Variants in RGS5 observed in about 807,000 individuals in gnomAD.
The protein encoded by RGS5 is regulator of G protein signaling 5, also known as regulator of G-protein signalling 5.
Under a neutral mutation model 18.9 loss-of-function variants are expected in RGS5, and 20 were observed. The ratio of observed to expected loss-of-function variants is 1.06; its 90% CI spans 0.74 to 1.54. RGS5 has a LOEUF of 1.54. Ranked by LOEUF, RGS5 falls within the 40% of genes most tolerant of loss-of-function variation. The pLI is 0.00. For missense variants in RGS5, 201 were observed against 211.8 expected (o/e 0.95, Z 0.32); for synonymous variants, 57 against 76.2 (o/e 0.75, Z 1.31).
intron 2 of RGS5, chr1:163,248,523 G>C (rs1648013954): frequency 6.6e-6 from 1 of 152,092 alleles, no homozygotes; most frequent in African/African-American, 2.4e-5. Flanking sequence ...GGCTCAGAGA[G>C]ACTAACCTGT....
chr1:163,309,274 G>A (rs369807373), intron 1 of RGS5, among the ~76,000 whole-genome samples: 6 of 152,310 alleles, frequency 3.9e-5, no homozygotes, highest in African/African-American at 1.4e-4. Context: ...AACAAATGAA[G>A]TTGGCCACAT....
intron 2 of RGS5, among the ~76,000 whole-genome samples, chr1:163,253,787 C>G (rs1648185964): frequency 1.3e-5 from 2 of 151,170 alleles, no homozygotes; most frequent in South Asian, 4.2e-4. Flanking sequence ...TCTCCTAAAG[C>G]TATCCCTCCC....
intron 2 of RGS5, among the ~76,000 whole-genome samples, chr1:163,253,598 C>T (rs555719665): frequency 6.6e-5 from 10 of 150,960 alleles, no homozygotes; most frequent in African/African-American, 1.5e-4. Context: ...GCGTGAGCCA[C>T]CGCACCTGGC....
chr1:163,305,907 T>A (rs1649685017), intron 2 of RGS5, among the ~76,000 whole-genome samples: 1 of 152,242 alleles, frequency 6.6e-6, no homozygotes, highest in Admixed American at 6.5e-5. Flanking sequence ...AGGGTGCACC[T>A]TCTGCTGCTG....
At chr1:163,278,166 A>C (rs1267580895) in intron 2 of RGS5, among the ~76,000 whole-genome samples, 1 of 152,116 alleles carries the variant, frequency 6.6e-6, no homozygotes, top group African/African-American at 2.4e-5. Context: ...GGAAGCTTAA[A>C]AAGTCCCAAA....
chr1:163,292,217 T>C (rs1460606639), intron 2 of RGS5, among the ~76,000 whole-genome samples: 1 of 152,140 alleles, frequency 6.6e-6, no homozygotes, highest in Non-Finnish European at 1.5e-5. Context: ...CTCCAACATA[T>C]ATCCATGCAT....
At chr1:163,183,862 G>A (rs73024776) in intron 1 of RGS5, among the ~76,000 whole-genome samples, 31,586 of 152,032 alleles carry the variant, frequency 0.21, 3,709 homozygotes, top group African/African-American at 0.32. Flanking sequence ...TCTTTCTCCC[G>A]TCTCTCCAGT....
intron 3 of RGS5, among the ~76,000 whole-genome samples, chr1:163,156,061 C>A (rs1344766205): frequency 6.6e-6 from 1 of 152,078 alleles, no homozygotes; most frequent in Non-Finnish European, 1.5e-5. Flanking sequence ...AGTCAGTTTG[C>A]TACAAAGGAA....
chr1:163,260,600 T>C (rs933782473), intron 2 of RGS5: 2 of 151,988 alleles, frequency 1.3e-5, no homozygotes, highest in African/African-American at 4.8e-5. Context: ...AATCTCAGAA[T>C]TCACCACTAT....
Position 163,152,558 on chromosome 1 carries a change from G to A in RGS5, c.376C>T (p.Pro126Ser). Residue 126 changes from proline to serine, a missense_variant, in exon 4 of 5, where the codon CCT (proline) becomes TCT (serine). Transcript: ENST00000313961. ...CCTACCCAGAGACCAACCTCTTTAGGAGCCTCCGTTTGAATGAATTCTTCA... is the reference window on the plus strand; with the variant it reads ...CCTACCCAGAGACCAACCTCTTTAGAAGCCTCCGTTTGAATGAATTCTTCA... ...IYEEFIQTEA[P>S]KEVNIDHFTK... 1.9e-6 allele frequency: 3 copies of A among 1,611,702 alleles called. No individual in the cohort carries two copies. The highest frequency in any genetic ancestry group is 1.1e-5 in the South Asian group (1 of 90,500).
intron 1 of RGS5, among the ~76,000 whole-genome samples, chr1:163,180,089 A>C (rs6413907): frequency 0.79 from 120,327 of 152,098 alleles, 47,957 homozygotes; most frequent in East Asian, 0.95. Context: ...GTGGCATGAT[A>C]TTGGCTCACT....
upstream of RGS5, among the ~76,000 whole-genome samples, chr1:163,206,539 GTTAAAAC>G (rs1659959532): frequency 6.6e-6 from 1 of 152,086 alleles, no homozygotes; most frequent in Non-Finnish European, 1.5e-5. Context: ...AAATTCATGT[GTTAAAAC>G]TTAATAATCA....
At position 163,186,594 on chromosome 1, in the gene RGS5, AAAAG is replaced by A. The variant is rs1362692856; in HGVS notation, c.44+16194_44+16197del. Among the ~76,000 whole-genome samples, 142 of 131,642 alleles carry A rather than the reference AAAAG, an allele frequency of 1.1e-3. 1 individual carries two copies. The highest frequency in any genetic ancestry group is 4.4e-3 in the African/African-American group (128 of 29,266). The allele number at this position is 131,642 out of a possible 152,430, so 86.4% of individuals were successfully genotyped here. A position where few individuals can be genotyped will look rare whatever the true frequency, so the allele number is the denominator to read the frequency against. ...ACTCTGTCTCAAAAAAAAAAAAAAA[AAAAG>A]AAAAAGAAAAGAAAAAAAGCAAAGA... On this transcript the variant is annotated intron_variant, in intron 1 of 4. Transcript: ENST00000313961.
At chr1:163,166,934 C>T (rs1029556401) in intron 2 of RGS5, among the ~76,000 whole-genome samples, 2 of 152,158 alleles carry the variant, frequency 1.3e-5, no homozygotes, top group African/African-American at 4.8e-5. Flanking sequence ...TCTGTTGCTG[C>T]TATGAAATGT....
At chr1:163,253,574 T>C (rs2101699907) in intron 2 of RGS5, among the ~76,000 whole-genome samples, 1 of 151,968 alleles carries the variant, frequency 6.6e-6, no homozygotes, top group South Asian at 2.1e-4. Flanking sequence ...CCTGCCAAAG[T>C]TCTGGGATTA....
At chr1:163,290,435 C>A (rs535368259) in intron 2 of RGS5, among the ~76,000 whole-genome samples, 2 of 152,228 alleles carry the variant, frequency 1.3e-5, no homozygotes, top group South Asian at 4.1e-4. Context: ...ATAATTCTTG[C>A]CAAAACTATT....
intron 2 of RGS5, among the ~76,000 whole-genome samples, chr1:163,298,823 G>A (rs1377877365): frequency 6.6e-6 from 1 of 152,114 alleles, no homozygotes; most frequent in Non-Finnish European, 1.5e-5. Flanking sequence ...AGTGCCCTCA[G>A]TTTGAAATAA....
chr1:163,240,248 G>A (rs1647752995), intron 2 of RGS5, among the ~76,000 whole-genome samples: 1 of 151,642 alleles, frequency 6.6e-6, no homozygotes, highest in African/African-American at 2.4e-5. Flanking sequence ...AGTACGGAAT[G>A]GTCATACATT....
chr1:163,307,654 T>C (rs1028882285), intron 1 of RGS5, among the ~76,000 whole-genome samples: 14 of 151,886 alleles, frequency 9.2e-5, no homozygotes, highest in Admixed American at 6.6e-4. Flanking sequence ...TAACACATGA[T>C]TGGTTCAGTG....
Sources: allele counts gnomAD v4.1 joint callset (sites outside exome capture counted in the v4.1 genomes callset), GRCh38; gene constraint gnomAD v4.1.1; transcripts MANE v1.5; gene names NCBI Gene and HGNC (gene_info 2026-07-23, HGNC 2026-07-21).